PUS7L: variants seen among roughly 807,000 people sequenced by gnomAD.
PUS7L encodes pseudouridylate synthase PUS7L.
A neutral mutation model predicts 51.1 loss-of-function variants in PUS7L; 49 were observed. That is an observed-to-expected ratio of 0.96 (90% confidence interval 0.76 to 1.22). PUS7L has a LOEUF of 1.22. Among genes scored for constraint, PUS7L ranks in the 50% most tolerant of loss-of-function variants. The probability of loss-of-function intolerance (pLI) is 0.00; values close to 1 mark genes in which losing one functional copy is unlikely to be tolerated. For synonymous variants in PUS7L, 277 were observed against 276.2 expected (o/e 1.00, Z -0.03); for missense variants, 828 against 820.6 (o/e 1.01, Z -0.11).
rs1944523365 is a variant in PUS7L, at chr12:43,730,441, A to G, written c.2041T>C (p.Phe681Leu). 1 of 1,613,690 alleles carries G rather than the reference A, an allele frequency of 6.2e-7. No homozygotes were observed. Among genetic ancestry groups the G allele is most frequent in the African/African-American group, 1.3e-5 (1 of 74,926 alleles). ...GCATAGCATGAAGCATCAAGATCAA[A>G]AGAGATCAAAAGAGACAAAGCTGTT... ...DETALSLLISFDLDASCYATV... is the reference protein window; with the variant it reads ...DETALSLLISLDLDASCYATV... The change falls in exon 9 of 9, where the codon TTT (phenylalanine) becomes CTT (leucine). Residue 681 changes from phenylalanine (F) to leucine (L), a missense_variant. Coordinates refer to ENST00000344862, the MANE Select transcript of PUS7L (RefSeq NM_031292.5).
In PUS7L at chr12:43,730,434, A is replaced by C; in HGVS notation, c.2048T>G (p.Leu683Arg). The C allele has an allele frequency of 6.2e-7, 1 of 1,613,746 alleles. No individual in the cohort carries two copies. Among genetic ancestry groups the C allele is most frequent in the Non-Finnish European group, 8.5e-7 (1 of 1,179,782 alleles). The change falls in exon 9 of 9, where the codon CTT becomes CGT. Residue 683 changes from leucine to arginine, a missense_variant. By Grantham distance (102) the Leu-to-Arg change is moderately radical. Transcript: ENST00000344862. ...AACGGTAGCATAGCATGAAGCATCA[A>C]GATCAAAAGAGATCAAAAGAGACAA... is the stretch of plus-strand genomic sequence containing the variant. ...TALSLLISFDLDASCYATVCL... is the reference protein window; with the variant it reads ...TALSLLISFDRDASCYATVCL...
Position 43,755,247 on chromosome 12 carries a change from C to CTTCTATATCAT in PUS7L, c.-3_-2insATGATATAGAA. 1.3e-6 allele frequency: 2 copies of CTTCTATATCAT among 1,568,888 alleles called. No homozygotes were observed. The highest frequency in any genetic ancestry group is 1.7e-6 in the Non-Finnish European group (2 of 1,158,608). ...TCTATAATCTGTATCTTCTTCCATT[C>CTTCTATATCAT]TTCTATAACAGTGCCTAGAAAACAA... On this transcript the variant is annotated 5_prime_UTR_variant, in exon 2 of 9. It adds an upstream start codon to the 5' untranslated region. Coordinates refer to ENST00000344862, the MANE Select transcript of PUS7L (RefSeq NM_031292.5).
chr12:43,729,037 G>A lies in PUS7L; in HGVS notation c.*1339C>T, dbSNP rs1047646829. ...AAGATGAATTCAGAGTATTATTGCAGTTGTAACATATGTGTTCTACTTTTA... is the reference window on the plus strand; with the variant it reads ...AAGATGAATTCAGAGTATTATTGCAATTGTAACATATGTGTTCTACTTTTA... On this transcript the variant is annotated 3_prime_UTR_variant, in exon 9 of 9. Transcript: ENST00000344862. 7 of 382,930 alleles carry A rather than the reference G, an allele frequency of 1.8e-5. No individual in the cohort carries two copies. Among genetic ancestry groups the A allele is most frequent in the African/African-American group, 1.4e-4 (7 of 48,398 alleles). The allele number at this position is 382,930 out of a possible 1,614,324, so 23.7% of individuals were successfully genotyped here.
chr12:43,746,217 T>C lies in PUS7L; in HGVS notation c.1092A>G (p.Glu364=), dbSNP rs1460721757. 1 of 1,401,042 alleles carries C rather than the reference T, an allele frequency of 7.1e-7. No individual in the cohort carries two copies. The highest frequency in any genetic ancestry group is 9.8e-7 in the Non-Finnish European group (1 of 1,022,656). 86.8% of individuals were successfully genotyped at this position (1,401,042 alleles called of 1,614,324 possible). A position where few individuals can be genotyped will look rare whatever the true frequency, so the allele number is the denominator to read the frequency against. The change falls in exon 4 of 9, where the codon GAA becomes GAG. Residue 364 remains glutamate (E), a synonymous_variant. Transcript: ENST00000344862. ...AGACATTCATTCTTTTCTTTTCAAT[T>C]TCTTTTTCAATATTTTTCAACCTGT... is the stretch of plus-strand genomic sequence containing the variant. ...TPERLKNIEK[E]IEKKRMNVFN...
intron 1 of PUS7L, among the ~76,000 whole-genome samples, chr12:43,755,615 A>C (rs1342679929): frequency 6.6e-6 from 1 of 152,184 alleles, no homozygotes; most frequent in Non-Finnish European, 1.5e-5. Context: ...ACTATAAAAC[A>C]AAGATTTGTC....
chr12:43,758,659 C>A lies in PUS7L; in HGVS notation c.-17+71G>T, dbSNP rs1202355680. ...TCCTCAATGCCAACCTCGTCACCCC[C>A]CCCCCCCACACACACACACACACAC... On this transcript the variant is annotated intron_variant, in intron 1 of 8. Transcript: ENST00000344862. 1.5e-5 allele frequency: 11 copies of A among 727,072 alleles called. 2 individuals are homozygous for A. Among genetic ancestry groups the A allele is most frequent in the African/African-American group, 7.9e-5 (2 of 25,300 alleles). 45.0% of individuals were successfully genotyped at this position (727,072 alleles called of 1,614,324 possible).
chr12:43,742,290 A>G (rs1937937883), intron 5 of PUS7L, among the ~76,000 whole-genome samples, 167 bp downstream of exon 5: 1 of 152,232 alleles, frequency 6.6e-6, no homozygotes, highest in African/African-American at 2.4e-5. Flanking sequence ...TTGTAATGTG[A>G]TATCAAGGAC....
chr12:43,732,902 A>G (rs1944592670), intron 7 of PUS7L, among the ~76,000 whole-genome samples: 1 of 152,242 alleles, frequency 6.6e-6, no homozygotes, highest in African/African-American at 2.4e-5. Context: ...GACAGACTAC[A>G]TGGAATTATG....
intron 5 of PUS7L, chr12:43,739,763 G>A (rs961822920): frequency 1.3e-5 from 2 of 152,050 alleles, no homozygotes; most frequent in African/African-American, 4.8e-5. Context: ...ATAAAAGATG[G>A]TTCTCCCTTA....
chr12:43,722,635 T>TGGA lies in PUS7L; in HGVS notation c.*7740_*7741insTCC, dbSNP rs1178508922. ...GCAAAAAATTCATTTTATTATAACC[T>TGGA]ATCATTCATTTTATTATAATGGAAT... On this transcript the variant is annotated 3_prime_UTR_variant, in exon 9 of 9. Transcript: ENST00000344862. 6.6e-6 allele frequency: 1 copy of TGGA among 152,148 alleles called. No individual in the cohort carries two copies. The highest frequency in any genetic ancestry group is 1.9e-4 in the East Asian group (1 of 5,200). 9.4% of individuals were successfully genotyped at this position (152,148 alleles called of 1,614,324 possible).
chr12:43,746,376 A>AG, intron 3 of PUS7L, 138 bp from the exon 4 acceptor site: 2 of 511,046 alleles, frequency 3.9e-6, no homozygotes, highest in East Asian at 6.7e-5. Context: ...TTCTAAAGTT[A>AG]ATGTTATTTC....
At chr12:43,735,149 A>T (rs1944654786) in intron 7 of PUS7L, among the ~76,000 whole-genome samples, 1 of 151,752 alleles carries the variant, frequency 6.6e-6, no homozygotes, top group Admixed American at 6.6e-5. Context: ...CCCAGTCTCT[A>T]CTAAAAATAA....
chr12:43,747,656 G>A (rs1354689385), intron 3 of PUS7L, among the ~76,000 whole-genome samples: 2 of 151,930 alleles, frequency 1.3e-5, no homozygotes, highest in African/African-American at 4.8e-5. Context: ...ATTGCGTGTT[G>A]CACTCCAGCC....
At chr12:43,737,939 T>G (rs1049960586) in intron 6 of PUS7L, 7 of 187,934 alleles carry the variant, frequency 3.7e-5, no homozygotes, top group Non-Finnish European at 6.6e-5. Flanking sequence ...TGTGTAAAGT[T>G]TGGAATATCA....
chr12:43,741,471 G>A (rs538137560), intron 5 of PUS7L, among the ~76,000 whole-genome samples: 1 of 152,344 alleles, frequency 6.6e-6, no homozygotes, highest in South Asian at 2.1e-4. Flanking sequence ...AGTAACACAT[G>A]TGACAAATGG....
chr12:43,739,744 G>C (rs1019992938), intron 5 of PUS7L: 2 of 152,130 alleles, frequency 1.3e-5, no homozygotes, highest in African/African-American at 4.8e-5. Flanking sequence ...ACAAAAGGAT[G>C]CTGGAAATAT....
In PUS7L at chr12:43,729,845, T is replaced by C. The variant is rs973818247; in HGVS notation, c.*531A>G. The C allele has an allele frequency of 6.5e-5, 10 of 152,996 alleles. No individual in the cohort carries two copies. The highest frequency in any genetic ancestry group is 2.4e-4 in the African/African-American group (10 of 41,456). The allele number at this position is 152,996 out of a possible 1,614,324, so 9.5% of individuals were successfully genotyped here. The stretch of plus-strand genomic sequence containing the variant: ...GATTACTTATCTCACAAAGAGGTAA[T>C]AACTACTCTGGGGTATCTATCACAA... On this transcript the variant is annotated 3_prime_UTR_variant, in exon 9 of 9. Coordinates refer to ENST00000344862, the MANE Select transcript of PUS7L (RefSeq NM_031292.5).
rs1365773448 is a variant in PUS7L, at chr12:43,736,463, T to A, written c.1643A>T (p.Glu548Val). 19 of 1,614,232 alleles carry A rather than the reference T, an allele frequency of 1.2e-5. No individual in the cohort carries two copies. In the Admixed American group the frequency reaches 3.2e-4, roughly 27 times the overall value. ...IWNEAVSYRL[E>V]TYGARVVQGD... is the part of the protein sequence containing the mutation. ...CTGCACTACTCTTGCTCCATAGGTT[T>A]CAAGTCTGTAAGATACTGCCTCATT... Residue 548 changes from glutamate to valine, a missense_variant, in exon 7 of 9, where the codon GAA (glutamate) becomes GTA (valine). Transcript: ENST00000344862.
Position 43,726,442 on chromosome 12 carries a change from C to G in PUS7L, c.*3934G>C, listed in dbSNP as rs1219129881. 1 of 152,006 alleles carries G rather than the reference C, an allele frequency of 6.6e-6. No homozygotes were observed. The highest frequency in any genetic ancestry group is 1.5e-5 in the Non-Finnish European group (1 of 68,002). 9.4% of individuals were successfully genotyped at this position (152,006 alleles called of 1,614,324 possible). ...TGTAAAACCTAAAACTATAAAAACC[C>G]TAGAAGAAAACCTAGGAAATATCAT... On this transcript the variant is annotated 3_prime_UTR_variant, in exon 9 of 9. Transcript: ENST00000344862.
Sources: allele counts gnomAD v4.1 joint callset (sites outside exome capture counted in the v4.1 genomes callset), GRCh38; gene constraint gnomAD v4.1.1; transcripts MANE v1.5; gene names NCBI Gene and HGNC (gene_info 2026-07-23, HGNC 2026-07-21).